The following DLC1 variants were observed in gnomAD, a reference collection of about 807,000 sequenced individuals.
DLC1 encodes the protein rho GTPase-activating protein 7.
In DLC1, 54 loss-of-function variants were observed where a neutral mutation model predicts 140.3. The observed-to-expected ratio is 0.38, with a 90% CI of 0.31 to 0.48. The LOEUF is 0.48. DLC1 is among the 20% of genes least tolerant of loss of function. The pLI is 0.96. For synonymous variants in DLC1, 986 were observed against 728.1 expected, an observed-to-expected ratio of 1.35 and a Z score of -5.70; for missense variants, 2,536 against 1,907.0, an observed-to-expected ratio of 1.33 and a Z score of -6.14.
upstream of DLC1, among the ~76,000 whole-genome samples, chr8:13,518,676 C>G (rs1002211475): frequency 3.3e-5 from 5 of 152,102 alleles, no homozygotes; most frequent in Non-Finnish European, 7.4e-5. Context: ...TGGAAGTCAG[C>G]TTTTATGTTT....
intron 5 of DLC1, among the ~76,000 whole-genome samples, chr8:13,297,282 T>TAAAAAAAAAAAAAAAAAAAA (rs60048506): frequency 0.027 from 259 of 9,616 alleles, 89 homozygotes; most frequent in East Asian, 0.23. Context: ...CTTCATACAT[T>TAAAAAAAAAAAAAAAAAAAA]AAAAAAAAAA....
intron 1 of DLC1, among the ~76,000 whole-genome samples, chr8:13,561,967 GA>G (rs977375320): frequency 1.3e-5 from 2 of 152,024 alleles, no homozygotes; most frequent in African/African-American, 4.8e-5. Flanking sequence ...TATATATTTG[GA>G]AAACACAGGA....
At chr8:13,497,661 T>C (rs1227746846) in intron 2 of DLC1, among the ~76,000 whole-genome samples, 1 of 152,236 alleles carries the variant, frequency 6.6e-6, no homozygotes, top group Non-Finnish European at 1.5e-5. Flanking sequence ...GAGTTTGTTT[T>C]ATTTTAGGGG....
chr8:13,234,848 G>GAAACA (rs1387757035), intron 5 of DLC1, among the ~76,000 whole-genome samples: 1 of 151,958 alleles, frequency 6.6e-6, no homozygotes, highest in African/African-American at 2.4e-5. Context: ...CTTGTCTTAA[G>GAAACA]AAACAAAACA....
At chr8:13,395,411 C>G (rs925739641) in intron 3 of DLC1, among the ~76,000 whole-genome samples, 1 of 152,134 alleles carries the variant, frequency 6.6e-6, no homozygotes, top group Non-Finnish European at 1.5e-5. Flanking sequence ...TGAGCCACCG[C>G]ACCCAGCCTC....
chr8:13,578,024 G>T (rs920287513), intron 1 of DLC1, among the ~76,000 whole-genome samples: 1 of 151,442 alleles, frequency 6.6e-6, no homozygotes, highest in African/African-American at 2.4e-5. Flanking sequence ...AAAAAAAAGT[G>T]TAATTCCTAC....
intron 2 of DLC1, among the ~76,000 whole-genome samples, chr8:13,414,818 G>T (rs184259446): frequency 1.1e-3 from 168 of 152,066 alleles, no homozygotes; most frequent in Non-Finnish European, 1.9e-3. Context: ...GGTTTTTGAG[G>T]CTGGGGGGCA....
At chr8:13,438,514 C>T (rs1585108258) in intron 2 of DLC1, among the ~76,000 whole-genome samples, 1 of 152,122 alleles carries the variant, frequency 6.6e-6, no homozygotes, top group Non-Finnish European at 1.5e-5. Context: ...CTTCCTATCA[C>T]CCCAAATCCT....
At chr8:13,109,745 C>T (rs1819912195) in intron 7 of DLC1, among the ~76,000 whole-genome samples, 1 of 151,318 alleles carries the variant, frequency 6.6e-6, no homozygotes, top group Non-Finnish European at 1.5e-5. Context: ...ATTAGCTGGG[C>T]GTGATGGTGG....
chr8:13,383,345 T>C (rs959624988), intron 4 of DLC1, among the ~76,000 whole-genome samples: 44 of 152,176 alleles, frequency 2.9e-4, no homozygotes, highest in African/African-American at 1.1e-3. Context: ...CATACCACTG[T>C]ATGTTGGGTG....
chr8:13,576,134 G>A (rs1162839826), intron 1 of DLC1, among the ~76,000 whole-genome samples: 1 of 152,170 alleles, frequency 6.6e-6, no homozygotes, highest in African/African-American at 2.4e-5. Flanking sequence ...TCTGGATTAA[G>A]GGATGAAAAG....
In DLC1 at chr8:13,567,018, A is replaced by C. The variant is rs532978997; in HGVS notation, c.-126+37519T>G. 207 of 1,550,662 alleles carry C rather than the reference A, an allele frequency of 1.3e-4. No homozygotes were observed. The South Asian group carries it at 2.4e-3, about 18-fold the overall frequency. ...TGGCCATCTGCCCAGAATTGGCCCAAACGGACAAAAGTGCTCTTGCAAACC... is the reference window on the plus strand; with the variant it reads ...TGGCCATCTGCCCAGAATTGGCCCACACGGACAAAAGTGCTCTTGCAAACC... On this transcript the variant is annotated intron_variant, in intron 1 of 1. Coordinates refer to the DLC1 transcript ENST00000631382.
At chr8:13,368,269 C>G (rs557021918) in intron 4 of DLC1, among the ~76,000 whole-genome samples, 4 of 152,148 alleles carry the variant, frequency 2.6e-5, no homozygotes, top group South Asian at 2.1e-4. Flanking sequence ...TCTCCTAGGA[C>G]AGTATATTTT....
intron 5 of DLC1, among the ~76,000 whole-genome samples, chr8:13,233,996 C>T (rs76288083): frequency 0.01 from 1,578 of 152,188 alleles, 21 homozygotes; most frequent in African/African-American, 0.036. Flanking sequence ...CAATGTTTAT[C>T]TTTTTTCTTT....
intron 5 of DLC1, among the ~76,000 whole-genome samples, chr8:13,125,700 T>C (rs1460250416): frequency 6.6e-6 from 1 of 152,070 alleles, no homozygotes; most frequent in African/African-American, 2.4e-5. Context: ...TAGTAAGGAA[T>C]GGAAGCTTTG....
intron 2 of DLC1, among the ~76,000 whole-genome samples, chr8:13,487,634 C>T (rs1222654266): frequency 3.3e-5 from 5 of 151,014 alleles, no homozygotes; most frequent in Admixed American, 6.6e-5. Context: ...AGTGCAATGG[C>T]GTGAGTTCGG....
intron 5 of DLC1, among the ~76,000 whole-genome samples, chr8:13,209,470 G>A (rs925577074): frequency 1.3e-5 from 2 of 152,062 alleles, no homozygotes; most frequent in African/African-American, 4.8e-5. Flanking sequence ...CAAAATTAAA[G>A]CTTATTTGAG....
intron 5 of DLC1, among the ~76,000 whole-genome samples, chr8:13,151,262 C>T (rs1187629041): frequency 6.6e-6 from 1 of 152,234 alleles, no homozygotes; most frequent in African/African-American, 2.4e-5. Context: ...CCAGTAAAAA[C>T]ACCAACAGCG....
At chr8:13,282,777 C>T (rs937801225) in intron 5 of DLC1, among the ~76,000 whole-genome samples, 18 of 152,122 alleles carry the variant, frequency 1.2e-4, no homozygotes, top group African/African-American at 4.3e-4. Flanking sequence ...ACTTGAACTG[C>T]TTTAAAATTG....
Sources: allele counts gnomAD v4.1 joint callset (sites outside exome capture counted in the v4.1 genomes callset), GRCh38; gene constraint gnomAD v4.1.1; transcripts MANE v1.5; gene names NCBI Gene and HGNC (gene_info 2026-07-23, HGNC 2026-07-21).